Variants in ROR2 observed in about 807,000 individuals in gnomAD.
The protein encoded by ROR2 is ROR family WNT receptor 2.
A neutral mutation model predicts 74.9 loss-of-function variants in ROR2; 33 were observed. The ratio of observed to expected loss-of-function variants is 0.44; its 90% CI spans 0.33 to 0.59. ROR2 has a LOEUF of 0.59. ROR2 is among the 20% of genes least tolerant of loss of function. The pLI, the probability that ROR2 is intolerant of heterozygous loss-of-function variation, is 0.02. For synonymous variants in ROR2, 586 were observed against 558.7 expected, an observed-to-expected ratio of 1.05 and a Z score of -0.69; for missense variants, 1,216 against 1,313.8, an observed-to-expected ratio of 0.93 and a Z score of 1.15.
At chr9:91,940,899 C>A (rs117369959) in intron 1 of ROR2, among the ~76,000 whole-genome samples, 7,109 of 151,172 alleles carry the variant, frequency 0.047, 225 homozygotes, top group Middle Eastern at 0.067. Context: ...ACCACCTCGC[C>A]GGGCCTTGAG....
chr9:91,880,506 T>C (rs1444140592), intron 1 of ROR2, among the ~76,000 whole-genome samples: 5 of 152,158 alleles, frequency 3.3e-5, no homozygotes, highest in African/African-American at 9.7e-5. Context: ...TCCATGAATA[T>C]AGTGAGAGCC....
intron 1 of ROR2, among the ~76,000 whole-genome samples, chr9:91,873,855 C>CTT (rs1317858052): frequency 6.6e-6 from 1 of 152,190 alleles, no homozygotes; most frequent in Non-Finnish European, 1.5e-5. Context: ...TCAGGGGAAC[C>CTT]TTTTCCTCCC....
intron 1 of ROR2, among the ~76,000 whole-genome samples, chr9:91,899,380 G>A (rs576341229): frequency 3.3e-5 from 5 of 152,304 alleles, no homozygotes; most frequent in East Asian, 1.9e-4. Flanking sequence ...TGGGGCCCCA[G>A]GTCAATGTCC....
chr9:91,841,045 C>CA (rs753155586), intron 1 of ROR2, among the ~76,000 whole-genome samples: 3 of 152,342 alleles, frequency 2.0e-5, no homozygotes, highest in Non-Finnish European at 2.9e-5. Flanking sequence ...CACCCACAGC[C>CA]AAATCATAGA....
chr9:91,885,959 C>T (rs911153009), intron 1 of ROR2, among the ~76,000 whole-genome samples: 3 of 151,004 alleles, frequency 2.0e-5, no homozygotes, highest in Non-Finnish European at 4.4e-5. Flanking sequence ...CTGCAACCTC[C>T]GCTTCCGGGG....
At chr9:91,857,519 G>A (rs868237716) in intron 1 of ROR2, among the ~76,000 whole-genome samples, 9 of 152,224 alleles carry the variant, frequency 5.9e-5, no homozygotes, top group African/African-American at 2.2e-4. Flanking sequence ...TACAGCAGGA[G>A]ACTCGCAGGC....
At chr9:91,829,916 T>A (rs1828410889) in intron 1 of ROR2, among the ~76,000 whole-genome samples, 1 of 152,204 alleles carries the variant, frequency 6.6e-6, no homozygotes, top group Non-Finnish European at 1.5e-5. Flanking sequence ...TTTCTTTGAG[T>A]AAAAAATCTA....
intron 1 of ROR2, among the ~76,000 whole-genome samples, chr9:91,849,398 A>C (rs947946182): frequency 5.9e-5 from 9 of 152,224 alleles, no homozygotes; most frequent in African/African-American, 2.2e-4. Context: ...ACTTTCAAAG[A>C]TGTGCTTCCA....
At chr9:91,883,921 T>C (rs1403212332) in intron 1 of ROR2, among the ~76,000 whole-genome samples, 1 of 152,106 alleles carries the variant, frequency 6.6e-6, no homozygotes, top group Non-Finnish European at 1.5e-5. Context: ...ATGAGTTGCA[T>C]CTGGAGGTAA....
At chr9:91,844,511 G>A (rs1828868471) in intron 1 of ROR2, among the ~76,000 whole-genome samples, 1 of 152,224 alleles carries the variant, frequency 6.6e-6, no homozygotes, top group Non-Finnish European at 1.5e-5. Flanking sequence ...TGTGTCTGAA[G>A]AGAACATATG....
intron 1 of ROR2, among the ~76,000 whole-genome samples, chr9:91,844,009 C>T (rs957406569): frequency 7.9e-5 from 12 of 152,208 alleles, no homozygotes; most frequent in Non-Finnish European, 1.5e-4. Context: ...CACTAACGGC[C>T]GTCCCCACAC....
intron 1 of ROR2, among the ~76,000 whole-genome samples, chr9:91,839,271 T>TGTGTGTAAGTACAGGC (rs1563991800): frequency 2.3e-5 from 3 of 133,082 alleles, no homozygotes; most frequent in African/African-American, 7.0e-5. Context: ...TGTGTGTGTG[T>TGTGTGTAAGTACAGGC]GTGTGTGTGT....
In ROR2 at chr9:91,724,352, G is replaced by A. The variant is rs764559078; in HGVS notation, c.2142C>T (p.Pro714=). ...CATACACCCAGGCGGGACAGTCATCGGGGCAAGGCAGCACCTGCCGGTTCC... is the reference window on the plus strand; with the variant it reads ...CATACACCCAGGCGGGACAGTCATCAGGGCAAGGCAGCACCTGCCGGTTCC... ...MIRNRQVLPC[P]DDCPAWVYAL... is the part of the protein sequence containing the mutation. The change falls in exon 9 of 9, where the codon CCC becomes CCT. Residue 714 remains proline (P), a synonymous_variant. Transcript: ENST00000375708. The A allele has an allele frequency of 5.0e-6, 8 of 1,613,610 alleles. No homozygotes were observed. The highest frequency in any genetic ancestry group is 2.2e-5 in the East Asian group (1 of 44,874).
chr9:91,836,668 G>C (rs1425298017), intron 1 of ROR2, among the ~76,000 whole-genome samples: 1 of 152,234 alleles, frequency 6.6e-6, no homozygotes, highest in Non-Finnish European at 1.5e-5. Context: ...CCCCCGGTCT[G>C]GGGGCTGTGC....
intron 1 of ROR2, among the ~76,000 whole-genome samples, chr9:91,920,898 C>T (rs755017793): frequency 5.3e-5 from 8 of 152,324 alleles, no homozygotes; most frequent in Non-Finnish European, 5.9e-5. Context: ...CACTGATCTG[C>T]ATCAAAATGT....
At chr9:91,741,733 G>C (rs1045780515) in intron 4 of ROR2, among the ~76,000 whole-genome samples, 1 of 152,150 alleles carries the variant, frequency 6.6e-6, no homozygotes, top group East Asian at 1.9e-4. Context: ...GTGAAGCAGA[G>C]GAAGCTCAAT....
At chr9:91,814,899 TG>T (rs1161688875) in intron 1 of ROR2, among the ~76,000 whole-genome samples, 2 of 152,164 alleles carry the variant, frequency 1.3e-5, no homozygotes, top group Non-Finnish European at 2.9e-5. Context: ...CAGGCCCGGC[TG>T]GTTTCCACGG....
chr9:91,767,106 C>A (rs12235606), intron 2 of ROR2, among the ~76,000 whole-genome samples: 36 of 150,958 alleles, frequency 2.4e-4, no homozygotes, highest in African/African-American at 8.5e-4. Context: ...GGCGGAGGCT[C>A]GCTCTGTCGC....
intron 1 of ROR2, among the ~76,000 whole-genome samples, chr9:91,828,435 AG>A (rs1828357704): frequency 6.6e-6 from 1 of 152,218 alleles, no homozygotes; most frequent in Non-Finnish European, 1.5e-5. Context: ...TATTCTCGGC[AG>A]GGTGCGGTGG....
Sources: gnomAD v4.1 joint callset for allele counts (sites outside exome capture counted in the v4.1 genomes callset) on GRCh38, gnomAD v4.1.1 for gene constraint, MANE v1.5 for transcripts, NCBI Gene and HGNC (gene_info 2026-07-23, HGNC 2026-07-21) for gene names.